The following PDE3B variants were observed in gnomAD, a reference collection of about 807,000 sequenced individuals.
The protein encoded by PDE3B is cGMP-inhibited 3',5'-cyclic phosphodiesterase 3B.
A neutral mutation model predicts 116.8 loss-of-function variants in PDE3B; 66 were observed. The ratio of observed to expected loss-of-function variants is 0.56; its 90% confidence interval spans 0.46 to 0.69. The LOEUF (loss-of-function observed/expected upper bound fraction) is 0.69, where lower values mean the gene tolerates loss of function less well. PDE3B is among the 30% of genes least tolerant of loss of function. The probability of loss-of-function intolerance (pLI) is 0.00; values close to 1 mark genes in which losing one functional copy is unlikely to be tolerated. For missense variants in PDE3B, 1,384 were observed against 1,368.1 expected (o/e 1.01, Z -0.18); for synonymous variants, 595 against 533.6 (o/e 1.12, Z -1.59).
intron 11 of PDE3B, among the ~76,000 whole-genome samples, chr11:14,835,322 A>G (rs1860019958): frequency 1.3e-5 from 2 of 152,336 alleles, no homozygotes; most frequent in Non-Finnish European, 2.9e-5. Context: ...TTAAAGATAG[A>G]TTAATATTCA....
At chr11:14,795,849 G>A (rs148276839) in intron 4 of PDE3B, among the ~76,000 whole-genome samples, 3 of 152,066 alleles carry the variant, frequency 2.0e-5, no homozygotes, top group Non-Finnish European at 4.4e-5. Context: ...ATGTCTAAGT[G>A]TTTGAAAGCT....
At chr11:14,754,867 T>A (rs1017351322) in intron 1 of PDE3B, among the ~76,000 whole-genome samples, 7 of 152,172 alleles carry the variant, frequency 4.6e-5, no homozygotes, top group African/African-American at 1.7e-4. Context: ...TTGGCTTTGC[T>A]CCCCTTCTTC....
chr11:14,765,735 A>T (rs1857478995), intron 1 of PDE3B, among the ~76,000 whole-genome samples: 1 of 151,356 alleles, frequency 6.6e-6, no homozygotes, highest in Non-Finnish European at 1.5e-5. Flanking sequence ...ATGATGTCTT[A>T]TAGTTTGATA....
At chr11:14,887,651 T>C in the PDE3B span, 1 of 985,310 alleles carries the variant, frequency 1.0e-6, no homozygotes, top group Admixed American at 6.1e-5. Context: ...CTCCATGATC[T>C]TCAAGTCTCT....
At position 14,843,808 on chromosome 11, in the gene PDE3B, G is replaced by C. The variant is rs746911798; in HGVS notation, c.2321-19G>C. ...TTATGTGCTAATGCTGGTTTATTTTGCTATTTATTGTTTCTCAGATTCTGA... is the reference window on the plus strand; with the variant it reads ...TTATGTGCTAATGCTGGTTTATTTTCCTATTTATTGTTTCTCAGATTCTGA... On this transcript the variant is annotated intron_variant, in intron 11 of 15. Transcript: ENST00000282096. 1.3e-5 allele frequency: 20 copies of C among 1,596,782 alleles called. No homozygotes were observed. The South Asian group carries it at 2.0e-4, about 16-fold the overall frequency.
chr11:14,847,487 A>G (rs1214721875), intron 12 of PDE3B, among the ~76,000 whole-genome samples: 5 of 151,308 alleles, frequency 3.3e-5, no homozygotes, highest in African/African-American at 1.2e-4. Context: ...AAATAACTAA[A>G]ATCAGAGCAG....
chr11:14,854,503 C>T (rs1395984479), intron 12 of PDE3B, among the ~76,000 whole-genome samples: 1 of 151,460 alleles, frequency 6.6e-6, no homozygotes, highest in African/African-American at 2.4e-5. Context: ...AGAGAGATTA[C>T]AACTGAAATC....
chr11:14,715,880 G>A (rs918871454), intron 1 of PDE3B, among the ~76,000 whole-genome samples: 4 of 152,162 alleles, frequency 2.6e-5, no homozygotes, highest in African/African-American at 9.7e-5. Context: ...AACAATGATA[G>A]ACTGGATTAA....
intron 1 of PDE3B, among the ~76,000 whole-genome samples, chr11:14,667,171 A>G (rs889756417): frequency 6.6e-5 from 10 of 151,784 alleles, no homozygotes; most frequent in Non-Finnish European, 1.2e-4. Flanking sequence ...ATTCCCAGTA[A>G]ACTATCGCAA....
chr11:14,739,214 A>G (rs1856692357), intron 1 of PDE3B, among the ~76,000 whole-genome samples: 1 of 152,156 alleles, frequency 6.6e-6, no homozygotes, highest in South Asian at 2.1e-4. Flanking sequence ...TTTTCACAAT[A>G]TTGATTCTTC....
chr11:14,804,049 TG>T lies in PDE3B; in HGVS notation c.1522+1del. 1 of 1,551,382 alleles carries T rather than the reference TG, an allele frequency of 6.4e-7. No homozygotes were observed. Among genetic ancestry groups the T allele is most frequent in the Non-Finnish European group, 8.9e-7 (1 of 1,123,154 alleles). On this transcript the variant is annotated frameshift_variant and splice_region_variant, in exon 5 of 16. Transcript: ENST00000282096. LOFTEE classifies it high-confidence loss of function. ...LTHHVGLRRA[G>X]VLSSLSPVNS... ...CTCACCATGTAGGTCTCAGAAGAGC[TG>T]GTAAGAAATCATTCTTTATGACTCA... is the stretch of plus-strand genomic sequence containing the variant.
At chr11:14,782,119 T>A (rs1012105803) in intron 2 of PDE3B, among the ~76,000 whole-genome samples, 1 of 152,150 alleles carries the variant, frequency 6.6e-6, no homozygotes, top group Non-Finnish European at 1.5e-5. Context: ...AAGGACCTCT[T>A]CAAGGAGAAC....
At chr11:14,830,640 A>G (rs1044082514) in intron 7 of PDE3B, 58 bp from the exon 8 acceptor site, 53 of 685,372 alleles carry the variant, frequency 7.7e-5, no homozygotes, top group South Asian at 1.3e-4. Context: ...TTTCATGTAA[A>G]GCTGTACATA....
intron 4 of PDE3B, among the ~76,000 whole-genome samples, chr11:14,796,808 G>A (rs1858570902): frequency 6.6e-6 from 1 of 152,182 alleles, no homozygotes; most frequent in Admixed American, 6.5e-5. Context: ...CTCCTATTCT[G>A]TAGGTTGCCT....
intron 1 of PDE3B, chr11:14,674,090 C>A: frequency 6.5e-7 from 1 of 1,534,864 alleles, no homozygotes; most frequent in Non-Finnish European, 9.0e-7. Context: ...TTTACTTTAA[C>A]TTCAACTCTG....
chr11:14,754,407 C>T (rs1438498826), intron 1 of PDE3B, among the ~76,000 whole-genome samples: 1 of 152,008 alleles, frequency 6.6e-6, no homozygotes, highest in Admixed American at 6.6e-5. Context: ...AATATGTAAG[C>T]TCTCATGTGT....
chr11:14,859,285 T>C (rs782026457), intron 13 of PDE3B, 39 bp downstream of exon 13: 4 of 1,405,412 alleles, frequency 2.8e-6, no homozygotes, highest in African/African-American at 2.9e-5. Flanking sequence ...AAAAAATCTT[T>C]ATTGTCAGTG....
chr11:14,723,039 G>A (rs1381954776), intron 1 of PDE3B, among the ~76,000 whole-genome samples: 1 of 152,176 alleles, frequency 6.6e-6, no homozygotes, highest in Admixed American at 6.5e-5. Context: ...CATCCTAAAT[G>A]GCATCTGGCC....
the PDE3B span, chr11:14,885,844 A>T: frequency 6.2e-7 from 1 of 1,613,686 alleles, no homozygotes; most frequent in Admixed American, 1.7e-5. Flanking sequence ...GCTTTGATGA[A>T]CAAGGCATTC....
Sources: gnomAD v4.1 joint callset for allele counts (sites outside exome capture counted in the v4.1 genomes callset) on GRCh38, gnomAD v4.1.1 for gene constraint, MANE v1.5 for transcripts, NCBI Gene and HGNC (gene_info 2026-07-23, HGNC 2026-07-21) for gene names.